ATP13A3: variants seen among roughly 807,000 people sequenced by gnomAD.
ATP13A3 encodes polyamine-transporting ATPase 13A3.
In ATP13A3, 59 loss-of-function variants were observed where a neutral mutation model predicts 158.1. That is an observed-to-expected ratio of 0.37 (90% CI 0.30 to 0.46). The LOEUF (loss-of-function observed/expected upper bound fraction) is 0.46, where lower values mean the gene tolerates loss of function less well. ATP13A3 is among the 20% of genes least tolerant of loss of function. The probability of loss-of-function intolerance (pLI) is 1.00; values close to 1 mark genes in which losing one functional copy is unlikely to be tolerated. For missense variants in ATP13A3, 1,166 were observed against 1,525.2 expected, an observed-to-expected ratio of 0.76 and a Z score of 3.92; for synonymous variants, 491 against 504.3, an observed-to-expected ratio of 0.97 and a Z score of 0.35.
At chr3:194,428,406 G>T (rs114108213) in intron 28 of ATP13A3, among the ~76,000 whole-genome samples, 20 of 152,054 alleles carry the variant, frequency 1.3e-4, no homozygotes, top group Non-Finnish European at 1.5e-4. Context: ...ATCTGGCAAT[G>T]TCTGGAGATA....
intron 30 of ATP13A3, among the ~76,000 whole-genome samples, chr3:194,424,147 G>A (rs1162208276): frequency 1.3e-5 from 2 of 151,590 alleles, no homozygotes; most frequent in Non-Finnish European, 2.9e-5. Context: ...CTGTAGCATG[G>A]TTCTAATACA....
At chr3:194,463,866 G>A (rs1719826622) in intron 2 of ATP13A3, among the ~76,000 whole-genome samples, 1 of 152,204 alleles carries the variant, frequency 6.6e-6, no homozygotes, top group South Asian at 2.1e-4. Context: ...CAACCAATAA[G>A]AGGGGTCTAT....
At position 194,448,043 on chromosome 3, in the gene ATP13A3, TA is replaced by T; in HGVS notation, c.1151-35del. On this transcript the variant is annotated intron_variant, in intron 12 of 33. Transcript: ENST00000645319. This position sits in a 1 kb window ranked among gnomAD's most constrained non-coding sequence, Gnocchi z 4.0. ...AAAAGAAGACAATTATTGATATTTT[TA>T]TAAGAAAATGAGAATTATCTCCCAA... 6.5e-7 allele frequency: 1 copy of T among 1,534,676 alleles called. No homozygotes were observed. Among genetic ancestry groups the T allele is most frequent in the African/African-American group, 1.4e-5 (1 of 71,808 alleles).
At chr3:194,427,014 T>G (rs1296467447) in intron 29 of ATP13A3, 61 bp downstream of exon 29, 1 of 1,528,718 alleles carries the variant, frequency 6.5e-7, no homozygotes, top group Non-Finnish European at 8.9e-7. Context: ...CTAAACTCAT[T>G]TTTATATCAT....
chr3:194,441,649 T>C (rs1258144212), intron 15 of ATP13A3, among the ~76,000 whole-genome samples, 188 bp from the exon 16 acceptor site: 1 of 151,870 alleles, frequency 6.6e-6, no homozygotes, highest in East Asian at 1.9e-4. Flanking sequence ...GAACTTGAGC[T>C]GATGCTATGG....
At chr3:194,410,935 G>GA (rs1715366522) in intron 33 of ATP13A3, among the ~76,000 whole-genome samples, 2 of 121,308 alleles carry the variant, frequency 1.6e-5, no homozygotes, top group African/African-American at 8.2e-5. Flanking sequence ...TTGGGGTGTT[G>GA]GGGTGTGTGT....
chr3:194,415,510 C>A (rs1248189824), intron 31 of ATP13A3, among the ~76,000 whole-genome samples: 1 of 152,038 alleles, frequency 6.6e-6, no homozygotes, highest in Non-Finnish European at 1.5e-5. Flanking sequence ...AAGACTACAA[C>A]CTGGAACATC....
intron 2 of ATP13A3, among the ~76,000 whole-genome samples, chr3:194,471,324 T>TAAAAAAAAAAA (rs59967046): frequency 4.1e-4 from 36 of 87,980 alleles, no homozygotes; most frequent in East Asian, 1.1e-3. Flanking sequence ...CAGCAAATTC[T>TAAAAAAAAAAA]AAAAAAAAAA....
intron 33 of ATP13A3, among the ~76,000 whole-genome samples, chr3:194,410,368 T>A (rs1463854132): frequency 7.6e-6 from 1 of 131,172 alleles, no homozygotes; most frequent in African/African-American, 2.8e-5. Flanking sequence ...TGTAGTTCCA[T>A]CTACCCAGCA....
At chr3:194,441,165 G>A (rs1275797313) in intron 16 of ATP13A3, 146 bp downstream of exon 16, 3 of 669,612 alleles carry the variant, frequency 4.5e-6, no homozygotes, top group East Asian at 2.8e-5. Context: ...TCCAGTTGAT[G>A]TAGCTTTAGA....
chr3:194,481,177 T>C (rs1720733421), intron 2 of ATP13A3, among the ~76,000 whole-genome samples: 1 of 150,974 alleles, frequency 6.6e-6, no homozygotes, highest in Non-Finnish European at 1.5e-5. Context: ...TTGTCTTTTA[T>C]ATCAAAATAA....
At chr3:194,481,425 A>G (rs114961144) in intron 2 of ATP13A3, among the ~76,000 whole-genome samples, 1,838 of 152,292 alleles carry the variant, frequency 0.012, 14 homozygotes, top group Middle Eastern at 0.031. Context: ...CCATTACTAC[A>G]GAGTACAAAA....
At chr3:194,449,700 CA>C (rs71179361) in intron 11 of ATP13A3, among the ~76,000 whole-genome samples, 4 of 147,742 alleles carry the variant, frequency 2.7e-5, no homozygotes, top group South Asian at 2.1e-4. Flanking sequence ...AAAAAAAAAA[CA>C]AAAAAAAAAT....
chr3:194,431,906 T>A lies in ATP13A3; in HGVS notation c.2246-14A>T. On this transcript the variant is annotated splice_polypyrimidine_tract_variant and intron_variant, in intron 21 of 33. Transcript: ENST00000645319. ...ACATACTGTCACCTAATTTTCAAAA[T>A]ATTTTAAATGTATTGAAATTAAAAT... 2 of 1,549,586 alleles carry A rather than the reference T, an allele frequency of 1.3e-6. No individual in the cohort carries two copies. The highest frequency in any genetic ancestry group is 1.7e-6 in the Non-Finnish European group (2 of 1,150,200).
Position 194,405,456 on chromosome 3 carries a change from TCACTGGAGGCTAATTAA to T in ATP13A3, c.*446_*462del, listed in dbSNP as rs1714866200. 6.4e-6 allele frequency: 1 copy of T among 157,076 alleles called. No homozygotes were observed. The highest frequency in any genetic ancestry group is 1.9e-4 in the South Asian group (1 of 5,292). The allele number at this position is 157,076 out of a possible 1,614,324, so 9.7% of individuals were successfully genotyped here. A position where few individuals can be genotyped will look rare whatever the true frequency, so the allele number is the denominator to read the frequency against. On this transcript the variant is annotated 3_prime_UTR_variant, in exon 34 of 34. Coordinates refer to ENST00000645319, the MANE Select transcript of ATP13A3 (RefSeq NM_001367549.1). Reference sequence around the variant, plus strand: ...ATGAAAACAGGCTTTCAGTATATTTTCACTGGAGGCTAATTAACACTCATCTTCTTTTTATCAATCAC... The same window carrying T: ...ATGAAAACAGGCTTTCAGTATATTTTCACTCATCTTCTTTTTATCAATCAC...
chr3:194,457,009 A>T, intron 7 of ATP13A3, 85 bp downstream of exon 7: 1 of 906,450 alleles, frequency 1.1e-6, no homozygotes, highest in Non-Finnish European at 1.7e-6. Flanking sequence ...GTTAATATGT[A>T]CAACTATATG....
At chr3:194,409,071 T>C (rs1715163510) in intron 33 of ATP13A3, among the ~76,000 whole-genome samples, 2 of 152,202 alleles carry the variant, frequency 1.3e-5, no homozygotes, top group Admixed American at 6.5e-5. Context: ...CTGAAAGGAA[T>C]GCTTCAGTGA....
intron 2 of ATP13A3, among the ~76,000 whole-genome samples, chr3:194,484,439 T>C (rs1406609425): frequency 6.6e-6 from 1 of 152,208 alleles, no homozygotes; most frequent in Non-Finnish European, 1.5e-5. Flanking sequence ...AGAATATGAA[T>C]ATGCTTTATT....
chr3:194,453,979 AG>A (rs1719010350), intron 9 of ATP13A3, among the ~76,000 whole-genome samples: 1 of 152,238 alleles, frequency 6.6e-6, no homozygotes, highest in South Asian at 2.1e-4. Flanking sequence ...CCCTGAAAAC[AG>A]TACCTTCCAG....
Sources: allele counts gnomAD v4.1 joint callset (sites outside exome capture counted in the v4.1 genomes callset), GRCh38; gene constraint gnomAD v4.1.1; non-coding constraint Gnocchi (gnomAD v3.1); transcripts MANE v1.5; gene names NCBI Gene and HGNC (gene_info 2026-07-23, HGNC 2026-07-21).